The following POLR3B variants were observed in gnomAD, a reference collection of about 807,000 sequenced individuals.
POLR3B encodes DNA-directed RNA polymerase III subunit RPC2.
A neutral mutation model predicts 147.4 loss-of-function variants in POLR3B; 96 were observed. The ratio of observed to expected loss-of-function variants is 0.65; its 90% CI spans 0.55 to 0.77. The LOEUF is 0.77. Ranked by LOEUF, POLR3B falls within the 30% of genes least tolerant of loss-of-function variation. The pLI, the probability that POLR3B is intolerant of heterozygous loss-of-function variation, is 0.00. For missense variants in POLR3B, 1,036 were observed against 1,413.5 expected, an observed-to-expected ratio of 0.73 and a Z score of 4.28; for synonymous variants, 461 against 485.9, an observed-to-expected ratio of 0.95 and a Z score of 0.67.
At chr12:106,381,465 A>T (rs1274895672) in intron 9 of POLR3B, among the ~76,000 whole-genome samples, 1 of 152,190 alleles carries the variant, frequency 6.6e-6, no homozygotes, top group Non-Finnish European at 1.5e-5. Context: ...CCAGGATTAG[A>T]TTCCATTTCA....
rs139989114 is a variant in POLR3B, at chr12:106,453,173, C to T, written c.2084-1329C>T. On this transcript the variant is annotated intron_variant, in intron 19 of 27. Coordinates refer to ENST00000228347, the MANE Select transcript of POLR3B (RefSeq NM_018082.6). ...CCAAGTAGCTGGGACTACCATGCCC[C>T]GTTAATTTTTGCATTTTTAGTAGAG... Among the ~76,000 whole-genome samples the T allele has an allele frequency of 1.8e-3, 279 of 151,538 alleles. 3 individuals carry two copies. The highest frequency in any genetic ancestry group is 0.017 in the East Asian group (85 of 5,130).
Position 106,503,987 on chromosome 12 carries a change from C to T in POLR3B, c.3099-94C>T. 2.6e-6 allele frequency: 3 copies of T among 1,158,560 alleles called. No homozygotes were observed. The Admixed American group carries it at 5.1e-5, about 20-fold the overall frequency. The allele number at this position is 1,158,560 out of a possible 1,614,324, so 71.8% of individuals were successfully genotyped here. On this transcript the variant is annotated intron_variant, in intron 26 of 27. Coordinates refer to ENST00000228347, the MANE Select transcript of POLR3B (RefSeq NM_018082.6). ...TTGATTTGGATCCAGATGAGCCCTG[C>T]TCCAAAGCCTCGTGCTCTCTGCCAG... is the stretch of plus-strand genomic sequence containing the variant.
intron 10 of POLR3B, among the ~76,000 whole-genome samples, chr12:106,401,002 A>T (rs998009096): frequency 6.6e-6 from 1 of 152,230 alleles, no homozygotes; most frequent in African/African-American, 2.4e-5. Flanking sequence ...AAATAGAGAC[A>T]CAAAAAACCC....
intron 23 of POLR3B, among the ~76,000 whole-genome samples, chr12:106,480,000 G>GGT (rs1555217004): frequency 2.1e-5 from 3 of 145,016 alleles, no homozygotes; most frequent in South Asian, 2.2e-4. Flanking sequence ...TTGTTTTTGG[G>GGT]TTTTTTTTTT....
At chr12:106,419,735 T>C (rs946092451) in intron 12 of POLR3B, among the ~76,000 whole-genome samples, 1 of 144,864 alleles carries the variant, frequency 6.9e-6, no homozygotes, top group Admixed American at 6.9e-5. Flanking sequence ...TAATATCTAT[T>C]ATATTACTGA....
At chr12:106,448,348 T>G (rs2037750241) in intron 19 of POLR3B, among the ~76,000 whole-genome samples, 1 of 151,682 alleles carries the variant, frequency 6.6e-6, no homozygotes. Flanking sequence ...TGTATTTTTA[T>G]TATTACTAAT....
chr12:106,370,249 CT>C (rs2036585925), intron 6 of POLR3B, among the ~76,000 whole-genome samples: 1 of 152,150 alleles, frequency 6.6e-6, no homozygotes. Context: ...GTTTTTCCCC[CT>C]CTCAAAAGTG....
intron 9 of POLR3B, among the ~76,000 whole-genome samples, chr12:106,384,687 C>T (rs889156565): frequency 2.6e-5 from 4 of 151,942 alleles, no homozygotes; most frequent in African/African-American, 7.3e-5. Context: ...AAAGTGCTGT[C>T]GAGGTGTTCC....
chr12:106,410,910 G>T lies in POLR3B; in HGVS notation c.1051G>T (p.Val351Phe). ...TATTCTGGCCCAAGGAGATAATAAA[G>T]TTGACGACAGAGATTATTATGGTAA... ...RVILAQGDNK[V>F]DDRDYYGNKR... Residue 351 changes from valine to phenylalanine, a missense_variant, in exon 12 of 28, where the codon GTT becomes TTT. Val to Phe is a conservative substitution (Grantham distance 50). Transcript: ENST00000228347. 1 of 1,613,572 alleles carries T rather than the reference G, an allele frequency of 6.2e-7. No homozygotes were observed. The highest frequency in any genetic ancestry group is 8.5e-7 in the Non-Finnish European group (1 of 1,179,508).
chr12:106,507,947 G>T (rs1197371519), intron 27 of POLR3B: 3 of 358,550 alleles, frequency 8.4e-6, no homozygotes, highest in Non-Finnish European at 1.6e-5. Flanking sequence ...TAACATTTTG[G>T]TGACTCTTTC....
At chr12:106,452,023 C>T (rs1223582536) in intron 19 of POLR3B, among the ~76,000 whole-genome samples, 3 of 152,072 alleles carry the variant, frequency 2.0e-5, no homozygotes, top group African/African-American at 7.2e-5. Flanking sequence ...ATATGTAACG[C>T]CCTTTTTAAG....
intron 25 of POLR3B, among the ~76,000 whole-genome samples, chr12:106,499,562 T>C (rs1271580058): frequency 1.3e-5 from 2 of 152,248 alleles, no homozygotes; most frequent in Non-Finnish European, 2.9e-5. Flanking sequence ...AGCTTTACTC[T>C]GTGGATGATG....
Position 106,392,883 on chromosome 12 carries a change from G to T in POLR3B, c.724-148G>T, listed in dbSNP as rs184477425. On this transcript the variant is annotated intron_variant, in intron 9 of 27. Coordinates refer to ENST00000228347, the MANE Select transcript of POLR3B (RefSeq NM_018082.6). ...CAGGTTTTTCTGCAGCTTGGGCAAG[G>T]CTGCCAATGCCAGATGGCACCATTT... 359 of 898,196 alleles carry T rather than the reference G, an allele frequency of 4.0e-4. 2 individuals carry two copies. In the East Asian group the frequency reaches 8.0e-3, roughly 20 times the overall value. 55.6% of individuals were successfully genotyped at this position (898,196 alleles called of 1,614,324 possible).
At chr12:106,485,191 C>G (rs114732542) in intron 23 of POLR3B, among the ~76,000 whole-genome samples, 3,691 of 152,216 alleles carry the variant, frequency 0.024, 86 homozygotes, top group African/African-American at 0.051. Flanking sequence ...CCGTGGCAGA[C>G]AGGCAGAGGG....
intron 23 of POLR3B, among the ~76,000 whole-genome samples, chr12:106,469,898 C>T (rs1647727587): frequency 6.6e-6 from 1 of 152,178 alleles, no homozygotes; most frequent in Non-Finnish European, 1.5e-5. Context: ...TCCGTCATTT[C>T]AACCTTGGTG....
chr12:106,437,726 T>C lies in POLR3B; in HGVS notation c.1902T>C (p.Asp634=). 6.2e-7 allele frequency: 1 copy of C among 1,605,508 alleles called. No homozygotes were observed. Among genetic ancestry groups the C allele is most frequent in the Non-Finnish European group, 8.5e-7 (1 of 1,172,316 alleles). The part of the protein sequence containing the change: ...FLHESLVEYL[D]VNEENDCNIA... ...ATGAGAGTCTGGTTGAATATTTAGA[T>C]GTGAATGAAGAAAATGATTGTAACA... The change falls in exon 18 of 28, where the codon GAT becomes GAC. Residue 634 remains aspartate, a synonymous_variant. Transcript: ENST00000228347.
intron 9 of POLR3B, among the ~76,000 whole-genome samples, chr12:106,383,555 G>C (rs2036793908): frequency 6.6e-6 from 1 of 152,150 alleles, no homozygotes; most frequent in Non-Finnish European, 1.5e-5. Context: ...GGAGGCTCAA[G>C]GAGAAGGGAG....
chr12:106,358,033 G>A, intron 1 of POLR3B, 82 bp downstream of exon 1: 1 of 1,572,828 alleles, frequency 6.4e-7, no homozygotes, highest in Non-Finnish European at 8.6e-7. Flanking sequence ...GGCCGCCAAG[G>A]GGGCGGGCTG....
intron 6 of POLR3B, among the ~76,000 whole-genome samples, chr12:106,373,369 G>A (rs2136893148): frequency 6.6e-6 from 1 of 152,112 alleles, no homozygotes; most frequent in Middle Eastern, 3.4e-3. Flanking sequence ...TCTTTGCCTT[G>A]AATCTTATTT....
Sources: allele counts gnomAD v4.1 joint callset (sites outside exome capture counted in the v4.1 genomes callset), GRCh38; gene constraint gnomAD v4.1.1; transcripts MANE v1.5; gene names NCBI Gene and HGNC (gene_info 2026-07-23, HGNC 2026-07-21).